XRRA1: variants seen among roughly 807,000 people sequenced by gnomAD.
XRRA1 encodes X-ray radiation resistance associated 1, also known as X-ray radiation resistance-associated protein 1.
In XRRA1, 69 loss-of-function variants were observed where a neutral mutation model predicts 80.2. That is an observed-to-expected ratio of 0.86 (90% CI 0.71 to 1.05). The LOEUF (loss-of-function observed/expected upper bound fraction) is 1.05, where lower values mean the gene tolerates loss of function less well. XRRA1 is among the 50% of genes least tolerant of loss of function. The pLI, the probability that XRRA1 is intolerant of heterozygous loss-of-function variation, is 0.00. For synonymous variants in XRRA1, 348 were observed against 389.9 expected (o/e 0.89, Z 1.27); for missense variants, 967 against 976.4 (o/e 0.99, Z 0.13).
At chr11:74,892,726 C>A (rs1482145125) in intron 10 of XRRA1, among the ~76,000 whole-genome samples, 5 of 152,056 alleles carry the variant, frequency 3.3e-5, no homozygotes, top group Non-Finnish European at 7.4e-5. Flanking sequence ...ACAAACAACC[C>A]CATCAAAAAG....
chr11:74,893,735 C>CA (rs1474098742), intron 10 of XRRA1, among the ~76,000 whole-genome samples: 3 of 151,942 alleles, frequency 2.0e-5, no homozygotes, highest in Non-Finnish European at 2.9e-5. Flanking sequence ...ATGAAAATGT[C>CA]AAAAAAACAA....
In XRRA1 at chr11:74,841,736, AT is replaced by A. The variant is rs1330268527; in HGVS notation, c.*1463del. On this transcript the variant is annotated 3_prime_UTR_variant, in exon 19 of 19. Coordinates refer to ENST00000684022, the MANE Select transcript of XRRA1 (RefSeq NM_001378157.1). ...GGTTTGTTCATCTTCCTTTCCTGTC[AT>A]TTAAGGTAAAACAGGCAATGAACTC... 1 of 152,214 alleles carries A rather than the reference AT, an allele frequency of 6.6e-6. No homozygotes were observed. The highest frequency in any genetic ancestry group is 1.5e-5 in the Non-Finnish European group (1 of 68,044). 9.4% of individuals were successfully genotyped at this position (152,214 alleles called of 1,614,324 possible). A position where few individuals can be genotyped will look rare whatever the true frequency, so the allele number is the denominator to read the frequency against.
At chr11:74,920,503 A>C (rs1033739616) in intron 8 of XRRA1, among the ~76,000 whole-genome samples, 2 of 152,248 alleles carry the variant, frequency 1.3e-5, no homozygotes, top group East Asian at 3.8e-4. Flanking sequence ...GGGCTAAAGC[A>C]GTCAGAGAAG....
intron 3 of XRRA1, among the ~76,000 whole-genome samples, chr11:74,940,384 TAGA>T (rs1725267559): frequency 6.6e-6 from 1 of 152,146 alleles, no homozygotes; most frequent in African/African-American, 2.4e-5. Context: ...CTGGAAGAAG[TAGA>T]AGAAGAGCTG....
rs982378625 is a variant in XRRA1 at position 74,949,083 on chromosome 11, G to C, written c.-228C>G. On this transcript the variant is annotated 5_prime_UTR_variant, in exon 1 of 19. Coordinates refer to ENST00000684022, the MANE Select transcript of XRRA1 (RefSeq NM_001378157.1). ...ACGCCTTAGTAACTGCGACGCGACGGCAGACAGTGTAGGCGGCAACCGACG... is the reference window on the plus strand; with the variant it reads ...ACGCCTTAGTAACTGCGACGCGACGCCAGACAGTGTAGGCGGCAACCGACG... 6.1e-6 allele frequency: 3 copies of C among 490,316 alleles called. No homozygotes were observed. The highest frequency in any genetic ancestry group is 1.1e-5 in the Non-Finnish European group (3 of 276,144). The allele number at this position is 490,316 out of a possible 1,614,324, so 30.4% of individuals were successfully genotyped here.
At chr11:74,869,409 T>G (rs1348184942) in intron 10 of XRRA1, among the ~76,000 whole-genome samples, 1 of 152,066 alleles carries the variant, frequency 6.6e-6, no homozygotes, top group Non-Finnish European at 1.5e-5. Context: ...CCCAAGAAAT[T>G]ATTTTTTTCT....
chr11:74,949,037 G>A lies in XRRA1; in HGVS notation c.-182C>T, dbSNP rs1565478184. On this transcript the variant is annotated 5_prime_UTR_variant, in exon 1 of 19. Coordinates refer to ENST00000684022, the MANE Select transcript of XRRA1 (RefSeq NM_001378157.1). Reference sequence around the variant, plus strand: ...GGGATCTCGGAGCCGCTCCACTGCGGTGCCTGCCGCTATCTTCCCCACGCC... The same window carrying A: ...GGGATCTCGGAGCCGCTCCACTGCGATGCCTGCCGCTATCTTCCCCACGCC... 17 of 383,874 alleles carry A rather than the reference G, an allele frequency of 4.4e-5. No homozygotes were observed. In the East Asian group the frequency reaches 8.5e-4, roughly 19 times the overall value. The allele number at this position is 383,874 out of a possible 1,614,324, so 23.8% of individuals were successfully genotyped here.
intron 1 of XRRA1, among the ~76,000 whole-genome samples, chr11:74,947,249 G>T (rs543013292): frequency 6.6e-6 from 1 of 152,298 alleles, no homozygotes; most frequent in South Asian, 2.1e-4. Flanking sequence ...AAGTTGGCCT[G>T]GTGTGGTGGT....
intron 15 of XRRA1, among the ~76,000 whole-genome samples, chr11:74,846,811 T>A (rs760165420): frequency 3.9e-5 from 6 of 152,100 alleles, no homozygotes; most frequent in Non-Finnish European, 8.8e-5. Context: ...AAAGACTGAA[T>A]GCTTTCCCCT....
At chr11:74,899,638 T>A (rs1186831156) in intron 10 of XRRA1, among the ~76,000 whole-genome samples, 1 of 152,186 alleles carries the variant, frequency 6.6e-6, no homozygotes, top group Non-Finnish European at 1.5e-5. Context: ...TATATGCCAA[T>A]AAATTGGAAA....
intron 15 of XRRA1, among the ~76,000 whole-genome samples, chr11:74,847,018 A>G (rs2135411327): frequency 6.6e-6 from 1 of 151,952 alleles, no homozygotes; most frequent in Middle Eastern, 3.4e-3. Flanking sequence ...CACCTTTATT[A>G]TAATAGCAGC....
At position 74,852,055 on chromosome 11, in the gene XRRA1, C is replaced by A. The variant is rs746420981; in HGVS notation, c.1198G>T (p.Val400Leu). The A allele has an allele frequency of 3.1e-6, 5 of 1,613,816 alleles. No homozygotes were observed. Reference protein sequence around the residue: ...KIAKEDAVLPVALFPSLCEFV... With the variant: ...KIAKEDAVLPLALFPSLCEFV... ...TCGCAGAGAGATGGGAAGAGAGCTA[C>A]TGGTAGGACAGCATCCTCTTTTGCG... is the stretch of plus-strand genomic sequence containing the variant. Residue 400 changes from valine (V) to leucine (L), a missense_variant, in exon 13 of 19, where the codon GTA becomes TTA. By Grantham distance (32) the Val-to-Leu change is conservative (BLOSUM62 1). Transcript: ENST00000684022.
chr11:74,843,754 C>G (rs774337723), intron 18 of XRRA1, 100 bp downstream of exon 18: 2 of 1,115,876 alleles, frequency 1.8e-6, no homozygotes, highest in Non-Finnish European at 2.6e-6. Context: ...GGCAGTTGCT[C>G]TCTAAGGGCC....
intron 10 of XRRA1, among the ~76,000 whole-genome samples, chr11:74,904,699 A>T (rs780169548): frequency 2.0e-5 from 3 of 152,166 alleles, no homozygotes; most frequent in Non-Finnish European, 4.4e-5. Context: ...TAAGAATCAT[A>T]TAAGCAAAAA....
chr11:74,944,521 T>C (rs1052063310), intron 2 of XRRA1, among the ~76,000 whole-genome samples: 1 of 152,228 alleles, frequency 6.6e-6, no homozygotes, highest in Non-Finnish European at 1.5e-5. Context: ...GTACCTCCTT[T>C]GGTCCAACAC....
intron 7 of XRRA1, among the ~76,000 whole-genome samples, chr11:74,925,305 A>G (rs546287096): frequency 7.2e-4 from 109 of 152,326 alleles, no homozygotes; most frequent in Middle Eastern, 3.4e-3. Context: ...AAACCATGGC[A>G]AAGTTAAGTT....
chr11:74,937,579 T>C (rs1402609426), intron 3 of XRRA1, among the ~76,000 whole-genome samples: 1 of 150,374 alleles, frequency 6.7e-6, no homozygotes, highest in East Asian at 1.9e-4. Flanking sequence ...AAACTTGGAA[T>C]AAGAAAATGT....
At chr11:74,932,122 A>C (rs1240356572) in intron 5 of XRRA1, among the ~76,000 whole-genome samples, 1 of 152,138 alleles carries the variant, frequency 6.6e-6, no homozygotes, top group Non-Finnish European at 1.5e-5. Context: ...CACATTCTGG[A>C]TCCCAATACT....
Position 74,848,339 on chromosome 11 carries a change from G to A in XRRA1, c.1504C>T (p.Pro502Ser). 1 of 1,613,852 alleles carries A rather than the reference G, an allele frequency of 6.2e-7. No individual in the cohort carries two copies. Among genetic ancestry groups the A allele is most frequent in the Non-Finnish European group, 8.5e-7 (1 of 1,179,824 alleles). ...TCCACAGAAGTGCTTTTGGTAGTGG[G>A]CAGATCTTCAGCCAGCTCTGCCTCT... ...EPEAELAEDLPTTKSTSVESE... is the reference protein window; with the variant it reads ...EPEAELAEDLSTTKSTSVESE... Residue 502 changes from proline to serine, a missense_variant, in exon 15 of 19, where the codon CCC becomes TCC. Transcript: ENST00000684022.
Sources: gnomAD v4.1 joint callset for allele counts (sites outside exome capture counted in the v4.1 genomes callset) on GRCh38, gnomAD v4.1.1 for gene constraint, MANE v1.5 for transcripts, NCBI Gene and HGNC (gene_info 2026-07-23, HGNC 2026-07-21) for gene names.